Variants in LINGO1 observed in about 807,000 individuals in gnomAD.
LINGO1 encodes the protein leucine rich repeat and Ig domain containing 1.
Under a neutral mutation model 37.3 loss-of-function variants are expected in LINGO1, and 11 were observed. The observed-to-expected ratio is 0.29, with a 90% CI of 0.19 to 0.49. The LOEUF (loss-of-function observed/expected upper bound fraction) is 0.49, where lower values mean the gene tolerates loss of function less well. LINGO1 is among the 20% of genes least tolerant of loss of function. The pLI is 0.99. For missense variants in LINGO1, 585 were observed against 878.2 expected, an observed-to-expected ratio of 0.67 and a Z score of 4.22; for synonymous variants, 387 against 403.0, an observed-to-expected ratio of 0.96 and a Z score of 0.48.
intron 1 of LINGO1, among the ~76,000 whole-genome samples, chr15:77,617,419 C>G (rs1224728483): frequency 6.6e-6 from 1 of 152,180 alleles, no homozygotes; most frequent in Non-Finnish European, 1.5e-5. Flanking sequence ...CATCTAGCTG[C>G]TGGTGGGGTA....
intron 1 of LINGO1, among the ~76,000 whole-genome samples, chr15:77,781,162 G>A (rs2076713113): frequency 6.6e-6 from 1 of 152,206 alleles, no homozygotes; most frequent in Admixed American, 6.5e-5. Flanking sequence ...CCAGATTGAT[G>A]GAACTTTTCA....
At chr15:77,635,622 G>A (rs749799998), upstream of LINGO1, among the ~76,000 whole-genome samples, 2 of 145,606 alleles carry the variant, frequency 1.4e-5, no homozygotes, top group Non-Finnish European at 2.9e-5. Context: ...CGCACCCCAG[G>A]CCTTTGTGCC....
At chr15:77,705,215 T>A (rs539908241) in intron 2 of LINGO1, among the ~76,000 whole-genome samples, 120 of 69,876 alleles carry the variant, frequency 1.7e-3, no homozygotes, top group Middle Eastern at 0.019. Context: ...ACCAGTCCAC[T>A]TCCAGCACCC....
chr15:77,754,310 G>T (rs1475408596), intron 1 of LINGO1, among the ~76,000 whole-genome samples: 1 of 151,012 alleles, frequency 6.6e-6, no homozygotes, highest in Non-Finnish European at 1.5e-5. Flanking sequence ...AAGGAAGGAA[G>T]GGAGGAAGGG....
intron 2 of LINGO1, among the ~76,000 whole-genome samples, chr15:77,733,185 A>G (rs1249112044): frequency 6.6e-6 from 1 of 152,036 alleles, no homozygotes; most frequent in Non-Finnish European, 1.5e-5. Flanking sequence ...CCACTCAGCC[A>G]CCCACAGGAT....
At chr15:77,691,304 G>A (rs1428713644) in intron 1 of LINGO1, among the ~76,000 whole-genome samples, 2 of 152,186 alleles carry the variant, frequency 1.3e-5, no homozygotes, top group East Asian at 3.8e-4. Flanking sequence ...GTCCAGAGAG[G>A]AGAAGGGATT....
At chr15:77,655,146 C>T (rs1408623893) in intron 3 of LINGO1, among the ~76,000 whole-genome samples, 1 of 152,192 alleles carries the variant, frequency 6.6e-6, no homozygotes, top group East Asian at 1.9e-4. Flanking sequence ...TGTCGCAGTG[C>T]TGGCCTCTCT....
intron 3 of LINGO1, among the ~76,000 whole-genome samples, chr15:77,653,920 C>T (rs2074816044): frequency 6.6e-6 from 1 of 152,232 alleles, no homozygotes; most frequent in Non-Finnish European, 1.5e-5. Flanking sequence ...TGCTAGTTCC[C>T]TGTGAGAGTC....
chr15:77,750,416 G>A (rs35292095), intron 1 of LINGO1, among the ~76,000 whole-genome samples: 10,642 of 152,236 alleles, frequency 0.07, 481 homozygotes, highest in Middle Eastern at 0.13. Context: ...ACACACAGCC[G>A]CCCACACGCG....
chr15:77,738,294 T>G (rs1050185855), intron 1 of LINGO1, among the ~76,000 whole-genome samples: 2 of 152,158 alleles, frequency 1.3e-5, no homozygotes, highest in Non-Finnish European at 2.9e-5. Flanking sequence ...TCAGGCCCTG[T>G]GGCTCCCTGC....
At chr15:77,693,524 G>T (rs750365393) in intron 1 of LINGO1, among the ~76,000 whole-genome samples, 1 of 152,204 alleles carries the variant, frequency 6.6e-6, no homozygotes, top group Non-Finnish European at 1.5e-5. Context: ...CAGGGTAAGG[G>T]CTTTGGATTT....
chr15:77,740,984 G>C (rs1164288667), intron 1 of LINGO1, among the ~76,000 whole-genome samples: 1 of 152,176 alleles, frequency 6.6e-6, no homozygotes, highest in Non-Finnish European at 1.5e-5. Context: ...CTGGGGCTCA[G>C]GCATTCCCAG....
chr15:77,797,953 A>C (rs1194594165), intron 1 of LINGO1, among the ~76,000 whole-genome samples: 1 of 152,224 alleles, frequency 6.6e-6, no homozygotes, highest in Non-Finnish European at 1.5e-5. Flanking sequence ...TATGGGCTGC[A>C]GACTTCTCCA....
chr15:77,615,496 G>A lies in LINGO1; in HGVS notation c.411C>T (p.Gly137=), dbSNP rs567611948. ...RSNRLKLIPL[G]VFTGLSNLTK... ...TCAGGTTGCTGAGGCCAGTGAAGAC[G>A]CCTAGCGGGATGAGCTTCAGGCGGT... The change falls in exon 2 of 2, where the codon GGC becomes GGT. Residue 137 remains glycine, a synonymous_variant. Coordinates refer to ENST00000355300, the MANE Select transcript of LINGO1 (RefSeq NM_032808.7). The A allele has an allele frequency of 1.7e-5, 27 of 1,613,874 alleles. No homozygotes were observed. Among genetic ancestry groups the A allele is most frequent in the Admixed American group, 1.7e-5 (1 of 60,010 alleles).
intron 1 of LINGO1, among the ~76,000 whole-genome samples, chr15:77,761,171 A>G (rs150874044): frequency 6.6e-6 from 1 of 151,966 alleles, no homozygotes; most frequent in African/African-American, 2.4e-5. Context: ...GCTGAGCTCA[A>G]GTGATCCACC....
At chr15:77,681,177 T>G (rs1281041743) in intron 2 of LINGO1, among the ~76,000 whole-genome samples, 1 of 151,936 alleles carries the variant, frequency 6.6e-6, no homozygotes. Flanking sequence ...TACTTGGGAG[T>G]TAATTTTGAT....
chr15:77,644,764 T>G (rs1382865649), intron 3 of LINGO1, among the ~76,000 whole-genome samples: 1 of 152,016 alleles, frequency 6.6e-6, no homozygotes, highest in Non-Finnish European at 1.5e-5. Flanking sequence ...ACGAGAAAAC[T>G]GGGGCTAAGA....
chr15:77,799,533 C>T (rs536080116), intron 1 of LINGO1, among the ~76,000 whole-genome samples: 2 of 152,314 alleles, frequency 1.3e-5, no homozygotes, highest in South Asian at 2.1e-4. Context: ...AAGTGCCTTG[C>T]TACCCAGAAG....
intron 2 of LINGO1, among the ~76,000 whole-genome samples, chr15:77,712,791 G>GC (rs911672906): frequency 1.3e-5 from 2 of 152,184 alleles, no homozygotes; most frequent in African/African-American, 4.8e-5. Context: ...GCTTCGGCCT[G>GC]CACCCCCCTT....
Sources: gnomAD v4.1 joint callset for allele counts (sites outside exome capture counted in the v4.1 genomes callset) on GRCh38, gnomAD v4.1.1 for gene constraint, MANE v1.5 for transcripts, NCBI Gene and HGNC (gene_info 2026-07-23, HGNC 2026-07-21) for gene names.